The following PRKCE variants were observed in gnomAD, a reference collection of about 807,000 sequenced individuals.
The protein encoded by PRKCE is protein kinase C epsilon, also known as protein kinase C epsilon type.
A neutral mutation model predicts 85.4 loss-of-function variants in PRKCE; 16 were observed. The observed-to-expected ratio is 0.19, with a 90% CI of 0.13 to 0.28. PRKCE has a LOEUF of 0.28. Ranked by LOEUF, PRKCE falls within the 10% of genes least tolerant of loss-of-function variation. PRKCE has a pLI of 1.00. For synonymous variants in PRKCE, 388 were observed against 371.5 expected (o/e 1.04, Z -0.51); for missense variants, 573 against 975.2 (o/e 0.59, Z 5.49).
intron 1 of PRKCE, among the ~76,000 whole-genome samples, chr2:45,654,260 G>T (rs1337943100): frequency 6.6e-6 from 1 of 152,182 alleles, no homozygotes; most frequent in Non-Finnish European, 1.5e-5. Flanking sequence ...TGCTTCACTG[G>T]GGCACACCCC....
At chr2:45,852,183 G>C (rs961553917) in intron 2 of PRKCE, among the ~76,000 whole-genome samples, 1 of 152,208 alleles carries the variant, frequency 6.6e-6, no homozygotes, top group Non-Finnish European at 1.5e-5. Context: ...GTCAGCTGCC[G>C]ATGGTCATAC....
At chr2:45,847,080 A>G (rs1406835843) in intron 2 of PRKCE, among the ~76,000 whole-genome samples, 3 of 152,246 alleles carry the variant, frequency 2.0e-5, no homozygotes, top group Non-Finnish European at 2.9e-5. Context: ...TCTATCTGGC[A>G]GGGACTGTGC....
In PRKCE at chr2:46,138,532, C is replaced by T. The variant is rs1004185944; in HGVS notation, c.1593-6561C>T. Among the ~76,000 whole-genome samples, 6 of 152,156 alleles carry T rather than the reference C, an allele frequency of 3.9e-5. No homozygotes were observed. The highest frequency in any genetic ancestry group is 1.9e-4 in the East Asian group (1 of 5,182). ...ATAAAATGGCAGAGGATGTACCAGG[C>T]GAATGCACCCTTTCCTTATAGCCAG... On this transcript the variant is annotated intron_variant, in intron 11 of 14. Coordinates refer to ENST00000306156, the MANE Select transcript of PRKCE (RefSeq NM_005400.3). The surrounding 1 kb of genome is among the most constrained non-coding windows in gnomAD (Gnocchi z 4.2).
intron 1 of PRKCE, among the ~76,000 whole-genome samples, chr2:45,695,632 G>T (rs2104134229): frequency 6.6e-6 from 1 of 152,318 alleles, no homozygotes; most frequent in South Asian, 2.1e-4. Context: ...AATTAGCCGG[G>T]TGTGATGGTA....
chr2:45,788,873 G>A (rs907550987), intron 1 of PRKCE, among the ~76,000 whole-genome samples: 1 of 152,198 alleles, frequency 6.6e-6, no homozygotes, highest in Non-Finnish European at 1.5e-5. Context: ...AGGTCAATCA[G>A]AGAAGGGCAT....
intron 2 of PRKCE, among the ~76,000 whole-genome samples, chr2:45,958,816 A>T (rs375444024): frequency 1.8e-3 from 32 of 18,144 alleles, no homozygotes; most frequent in South Asian, 0.016. Context: ...ATATATATAT[A>T]TTTTTTTTTT....
At chr2:45,922,587 C>A (rs960417189) in intron 2 of PRKCE, among the ~76,000 whole-genome samples, 1 of 152,220 alleles carries the variant, frequency 6.6e-6, no homozygotes, top group Non-Finnish European at 1.5e-5. Flanking sequence ...ACCCTTCCCC[C>A]CAGGCTGTCT....
At chr2:45,945,322 G>A (rs765175867) in intron 2 of PRKCE, among the ~76,000 whole-genome samples, 6 of 151,994 alleles carry the variant, frequency 3.9e-5, no homozygotes, top group Admixed American at 6.5e-5. Context: ...CATGGCAGAC[G>A]GTGAAGGGGA....
chr2:46,095,563 A>G (rs138626057), intron 11 of PRKCE, among the ~76,000 whole-genome samples: 1 of 152,230 alleles, frequency 6.6e-6, no homozygotes, highest in Non-Finnish European at 1.5e-5. Context: ...TCTCCAGAGT[A>G]ACTGTTACTG....
rs1245988880 is a variant in PRKCE at position 45,905,379 on chromosome 2, A to G, written c.412+62316A>G. Among the ~76,000 whole-genome samples, 4 of 152,242 alleles carry G rather than the reference A, an allele frequency of 2.6e-5. No homozygotes were observed. The East Asian group carries it at 7.7e-4, about 29-fold the overall frequency. On this transcript the variant is annotated intron_variant, in intron 2 of 14. Coordinates refer to ENST00000306156, the MANE Select transcript of PRKCE (RefSeq NM_005400.3). This position sits in a 1 kb window ranked among gnomAD's most constrained non-coding sequence, Gnocchi z 4.4. ...CACAATCAATATCCAGCTTCTAAAC[A>G]TTATACATATTGATGAGCTGATTGC...
chr2:45,922,582 T>TC (rs1698328840), intron 2 of PRKCE, among the ~76,000 whole-genome samples: 2 of 151,906 alleles, frequency 1.3e-5, no homozygotes, highest in African/African-American at 4.8e-5. Context: ...ATTAAACCCT[T>TC]CCCCCCAGGC....
Position 45,981,697 on chromosome 2 carries a change from G to A in PRKCE, c.693+1316G>A, listed in dbSNP as rs970775664. Among the ~76,000 whole-genome samples, 5 of 152,194 alleles carry A rather than the reference G, an allele frequency of 3.3e-5. No homozygotes were observed. In the East Asian group the frequency reaches 9.6e-4, roughly 29 times the overall value. Reference sequence around the variant, plus strand: ...CACGAGGAAATGAAAGAAAGAGATGGCTTGCTTGCTGTCTGCCTTATTTCC... The same window carrying A: ...CACGAGGAAATGAAAGAAAGAGATGACTTGCTTGCTGTCTGCCTTATTTCC... On this transcript the variant is annotated intron_variant, in intron 5 of 14. Coordinates refer to ENST00000306156, the MANE Select transcript of PRKCE (RefSeq NM_005400.3).
intron 10 of PRKCE, among the ~76,000 whole-genome samples, chr2:46,076,906 C>T (rs553528423): frequency 1.1e-4 from 17 of 152,190 alleles, no homozygotes; most frequent in Non-Finnish European, 2.2e-4. Flanking sequence ...ATAAATACTA[C>T]GTGATACTAC....
chr2:46,070,254 T>C (rs998559559), intron 10 of PRKCE, among the ~76,000 whole-genome samples: 2 of 152,218 alleles, frequency 1.3e-5, no homozygotes, highest in African/African-American at 4.8e-5. Flanking sequence ...AGACCACCTC[T>C]ATAAATATAA....
chr2:46,103,028 A>G (rs1293341530), intron 11 of PRKCE, among the ~76,000 whole-genome samples: 2 of 152,210 alleles, frequency 1.3e-5, no homozygotes, highest in Non-Finnish European at 2.9e-5. Flanking sequence ...GCAGAGTAGC[A>G]ATGTAATTTA....
intron 14 of PRKCE, among the ~76,000 whole-genome samples, chr2:46,162,383 G>T (rs1677865946): frequency 1.3e-5 from 2 of 152,284 alleles, no homozygotes; most frequent in Admixed American, 1.3e-4. Flanking sequence ...AAAGAGAAAG[G>T]ATGGGGCTGT....
intron 2 of PRKCE, among the ~76,000 whole-genome samples, chr2:45,973,207 G>A (rs1301876586): frequency 6.6e-6 from 1 of 152,168 alleles, no homozygotes; most frequent in Non-Finnish European, 1.5e-5. Flanking sequence ...GAGGTTCTTG[G>A]GGACTGAGGG....
chr2:45,950,049 C>T (rs897566373), intron 2 of PRKCE, among the ~76,000 whole-genome samples: 4 of 152,158 alleles, frequency 2.6e-5, no homozygotes, highest in Non-Finnish European at 5.9e-5. Context: ...TTTTGAATTA[C>T]TGATGAGAAT....
At chr2:46,183,555 G>C (rs1403913898) in intron 14 of PRKCE, among the ~76,000 whole-genome samples, 2 of 152,160 alleles carry the variant, frequency 1.3e-5, no homozygotes, top group Non-Finnish European at 2.9e-5. Context: ...CTGTGCTGTG[G>C]GGGAGAGGGG....
Sources: allele counts gnomAD v4.1 joint callset (sites outside exome capture counted in the v4.1 genomes callset), GRCh38; gene constraint gnomAD v4.1.1; non-coding constraint Gnocchi (gnomAD v3.1); transcripts MANE v1.5; gene names NCBI Gene and HGNC (gene_info 2026-07-23, HGNC 2026-07-21).